The following PLXNB2 variants were observed in gnomAD, a reference collection of about 807,000 sequenced individuals.
PLXNB2 encodes the protein plexin B2, also known as plexin-B2.
PLXNB2 carries 85 observed loss-of-function variants against 202.6 expected under a neutral mutation model. The ratio of observed to expected loss-of-function variants is 0.42; its 90% CI spans 0.35 to 0.50. The LOEUF (loss-of-function observed/expected upper bound fraction) is 0.50. Among genes scored for constraint, PLXNB2 ranks in the 20% least tolerant of loss-of-function variants. PLXNB2 has a pLI of 0.02. For synonymous variants in PLXNB2, 1,239 were observed against 1,137.6 expected (o/e 1.09, Z -1.79); for missense variants, 2,063 against 2,586.2 (o/e 0.80, Z 4.39).
intron 2 of PLXNB2, among the ~76,000 whole-genome samples, chr22:50,290,851 A>C (rs1429296099): frequency 6.6e-6 from 1 of 152,172 alleles, no homozygotes; most frequent in African/African-American, 2.4e-5. Context: ...ATCGCCTGCT[A>C]CAGGATCCCT....
intron 10 of PLXNB2, 37 bp from the exon 11 acceptor site, chr22:50,285,938 C>T: frequency 6.2e-7 from 1 of 1,602,656 alleles, no homozygotes; most frequent in Non-Finnish European, 8.5e-7. Flanking sequence ...TGCCTGGGCA[C>T]AGCGGAGCAG....
rs372500189 is a variant in PLXNB2 at position 50,286,313 on chromosome 22, C to T, written c.1763-26G>A. On this transcript the variant is annotated intron_variant, in intron 8 of 36. Transcript: ENST00000359337. The stretch of plus-strand genomic sequence containing the variant: ...CTGCAGACAGCAGAGGGGGAGGTGT[C>T]AAGGTGGCGGCCGCAGGGCCGAGGG... 114 of 1,563,268 alleles carry T rather than the reference C, an allele frequency of 7.3e-5. No individual in the cohort carries two copies. In the African/African-American group the frequency reaches 1.2e-3, roughly 16 times the overall value.
At chr22:50,292,120 G>A (rs540223484) in intron 2 of PLXNB2, among the ~76,000 whole-genome samples, 18 of 152,198 alleles carry the variant, frequency 1.2e-4, no homozygotes, top group African/African-American at 4.3e-4. Flanking sequence ...GGCGGATCAC[G>A]AGGTCAGGAG....
intron 25 of PLXNB2, 128 bp from the exon 26 acceptor site, chr22:50,280,199 G>T: frequency 2.8e-6 from 2 of 724,704 alleles, no homozygotes; most frequent in Non-Finnish European, 4.5e-6. Flanking sequence ...GGCCTGCAGC[G>T]AGGACTACCT....
chr22:50,303,029 GC>G (rs1041426964), intron 1 of PLXNB2, among the ~76,000 whole-genome samples: 20 of 151,592 alleles, frequency 1.3e-4, no homozygotes, highest in African/African-American at 4.6e-4. Context: ...TTACCCTCAA[GC>G]CCCCCGCCAT....
At chr22:50,295,938 C>A (rs1323724898) in intron 1 of PLXNB2, among the ~76,000 whole-genome samples, 1 of 152,034 alleles carries the variant, frequency 6.6e-6, no homozygotes, top group Admixed American at 6.6e-5. Context: ...CCCATCTCTA[C>A]TAAAAGTACA....
chr22:50,278,911 T>C lies in PLXNB2; in HGVS notation c.4490A>G (p.Gln1497Arg). The C allele has an allele frequency of 1.2e-6, 2 of 1,613,674 alleles. No individual in the cohort carries two copies. The highest frequency in any genetic ancestry group is 1.7e-6 in the Non-Finnish European group (2 of 1,179,870). Residue 1497 changes from glutamine to arginine, a missense_variant, in exon 28 of 37, where the codon CAG becomes CGG. Around this residue, in one of 2 missense-constraint regions of PLXNB2, gnomAD observed 760 missense variants for 1,109.4 expected, o/e 0.69. Coordinates refer to ENST00000359337, the MANE Select transcript of PLXNB2 (RefSeq NM_012401.4). Reference sequence around the variant, plus strand: ...GGAGCAGGGCTGCCCACGGTACACCTGGTCAATGATCTTCTCCTTGACCTG... The same window carrying C: ...GGAGCAGGGCTGCCCACGGTACACCCGGTCAATGATCTTCTCCTTGACCTG... ...ISQVKEKIID[Q>R]VYRGQPCSCW... is the part of the protein sequence containing the mutation.
rs764008250 is a variant in PLXNB2, at chr22:50,281,505, T to TG, written c.3523-7dup. The stretch of plus-strand genomic sequence containing the variant: ...TCGCGAGAGCCGAACTTCACCTGTG[T>TG]GGGGGGCCGGGTTCAGCGCGGTCCC... On this transcript the variant is annotated splice_region_variant and splice_polypyrimidine_tract_variant and intron_variant, in intron 21 of 36. Transcript: ENST00000359337. The TG allele has an allele frequency of 1.9e-6, 3 of 1,610,492 alleles. No individual in the cohort carries two copies. The highest frequency in any genetic ancestry group is 1.3e-5 in the African/African-American group (1 of 74,858).
chr22:50,289,516 C>G lies in PLXNB2; in HGVS notation c.1068+1G>C. On this transcript the variant is annotated splice_donor_variant, in intron 3 of 36. Transcript: ENST00000359337. LOFTEE classifies it high-confidence loss of function. The surrounding 1 kb of genome is among the most constrained non-coding windows in gnomAD (Gnocchi z 8.0). Reference sequence around the variant, plus strand: ...CTGCGAGAACACACTGAGGCCCATACCGGCGCGTGGCCGCCGCACTGGATA... The same window carrying G: ...CTGCGAGAACACACTGAGGCCCATAGCGGCGCGTGGCCGCCGCACTGGATA... 6.2e-7 allele frequency: 1 copy of G among 1,606,134 alleles called. No individual in the cohort carries two copies. The highest frequency in any genetic ancestry group is 8.5e-7 in the Non-Finnish European group (1 of 1,176,462).
At chr22:50,287,508 C>G (rs1456812660) in intron 7 of PLXNB2, among the ~76,000 whole-genome samples, 159 bp downstream of exon 7, 1 of 152,132 alleles carries the variant, frequency 6.6e-6, no homozygotes, top group Non-Finnish European at 1.5e-5. Context: ...TCCAGGGGAC[C>G]AATGGAGGGC....
In PLXNB2 at chr22:50,281,569, G is replaced by C; in HGVS notation, c.3519C>G (p.Phe1173Leu). Residue 1173 changes from phenylalanine (F) to leucine (L), a missense_variant, in exon 21 of 37, where the codon TTC becomes TTG. Transcript: ENST00000359337. Reference protein sequence around the residue: ...KRDTTHNLPEFIVKFGSREWV... With the variant: ...KRDTTHNLPELIVKFGSREWV... ...CCGCCAGTCCCCGCTCACGCACAATGAACTCGGGCAGGTTGTGTGTGGTGT... is the reference window on the plus strand; with the variant it reads ...CCGCCAGTCCCCGCTCACGCACAATCAACTCGGGCAGGTTGTGTGTGGTGT... 6.2e-7 allele frequency: 1 copy of C among 1,610,810 alleles called. No homozygotes were observed. The highest frequency in any genetic ancestry group is 8.5e-7 in the Non-Finnish European group (1 of 1,178,740).
At position 50,285,972 on chromosome 22, in the gene PLXNB2, G is replaced by C. The variant is rs149543177; in HGVS notation, c.1986+18C>G. On this transcript the variant is annotated intron_variant, in intron 10 of 36. Transcript: ENST00000359337. The stretch of plus-strand genomic sequence containing the variant: ...AGCCATGCCCTGAACAGTCCCCTGA[G>C]GCCCCGAGGCCCCTCACCATGTGGG... 1.4e-3 allele frequency: 2,197 copies of C among 1,609,228 alleles called. 37 individuals are homozygous for C. The African/African-American group carries it at 0.026, about 19-fold the overall frequency.
At position 50,284,950 on chromosome 22, in the gene PLXNB2, C is replaced by T; in HGVS notation, c.2089-285G>A. 1 of 553,046 alleles carries T rather than the reference C, an allele frequency of 1.8e-6. No homozygotes were observed. Among genetic ancestry groups the T allele is most frequent in the South Asian group, 1.6e-5 (1 of 62,576 alleles). 34.3% of individuals were successfully genotyped at this position (553,046 alleles called of 1,614,324 possible). On this transcript the variant is annotated intron_variant, in intron 11 of 36. Coordinates refer to ENST00000359337, the MANE Select transcript of PLXNB2 (RefSeq NM_012401.4). The surrounding 1 kb of genome is among the most constrained non-coding windows in gnomAD (Gnocchi z 8.0). ...GCCCGGCCCACCTGACATCGTGGCC[C>T]CCACAGCTCCCTCCTCAGGAGGTGG...
In PLXNB2 at chr22:50,275,560, C is replaced by T. The variant is rs991432995; in HGVS notation, c.*144G>A. On this transcript the variant is annotated 3_prime_UTR_variant, in exon 37 of 37. Coordinates refer to ENST00000359337, the MANE Select transcript of PLXNB2 (RefSeq NM_012401.4). ...AAGATGCTACAGTCTAGACGCTGGG[C>T]GGGTTCCGGCTGCACCCACTCCGGC... The T allele has an allele frequency of 6.5e-5, 42 of 645,768 alleles. No homozygotes were observed. The highest frequency in any genetic ancestry group is 5.8e-4 in the African/African-American group (32 of 55,142). 40.0% of individuals were successfully genotyped at this position (645,768 alleles called of 1,614,324 possible).
rs2066629837 is a variant in PLXNB2 at position 50,288,470 on chromosome 22, A to G, written c.1380+273T>C. ...GACACCAACCCAGGTCCCTTCCATC[A>G]GGACAGGGCAGAGGCGGGGCCAGAG... is the stretch of plus-strand genomic sequence containing the variant. On this transcript the variant is annotated intron_variant, in intron 5 of 36. Coordinates refer to ENST00000359337, the MANE Select transcript of PLXNB2 (RefSeq NM_012401.4). The surrounding 1 kb of genome is among the most constrained non-coding windows in gnomAD (Gnocchi z 5.0). 1.3e-5 allele frequency among the ~76,000 whole-genome samples: 2 copies of G among 152,132 alleles called. No homozygotes were observed. The highest frequency in any genetic ancestry group is 6.5e-5 in the Admixed American group (1 of 15,284).
intron 23 of PLXNB2, 46 bp from the exon 24 acceptor site, chr22:50,281,019 G>A: frequency 1.2e-6 from 2 of 1,600,800 alleles, no homozygotes; most frequent in Non-Finnish European, 1.7e-6. Flanking sequence ...GTGGGGCCCT[G>A]ACCCCCACGC....
At chr22:50,283,282 A>G (rs2066154521) in intron 16 of PLXNB2, 55 bp downstream of exon 16, 25 of 1,603,860 alleles carry the variant, frequency 1.6e-5, no homozygotes, top group Non-Finnish European at 1.9e-5. Flanking sequence ...CGGCGGGCAG[A>G]GCCCCTCCTC....
At chr22:50,278,335 A>C in intron 30 of PLXNB2, 64 bp from the exon 31 acceptor site, 1 of 1,589,184 alleles carries the variant, frequency 6.3e-7, no homozygotes, top group Non-Finnish European at 8.6e-7. Flanking sequence ...CACAGGGAGC[A>C]GTGGTGGCAG....
Position 50,290,684 on chromosome 22 carries a change from A to T in PLXNB2, c.-13-87T>A. 2.2e-6 allele frequency: 3 copies of T among 1,370,610 alleles called. No homozygotes were observed. In the South Asian group the frequency reaches 4.4e-5, roughly 20 times the overall value. 84.9% of individuals were successfully genotyped at this position (1,370,610 alleles called of 1,614,324 possible). On this transcript the variant is annotated intron_variant, in intron 2 of 36. Coordinates refer to ENST00000359337, the MANE Select transcript of PLXNB2 (RefSeq NM_012401.4). ...TCCAGTCCCTGCCCCAAACGTCAGAACATGGGAGAGAGGGTCACGCCACTC... is the reference window on the plus strand; with the variant it reads ...TCCAGTCCCTGCCCCAAACGTCAGATCATGGGAGAGAGGGTCACGCCACTC...
Sources: allele counts gnomAD v4.1 joint callset (sites outside exome capture counted in the v4.1 genomes callset), GRCh38; gene constraint gnomAD v4.1.1; regional missense constraint gnomAD v4.1.1; non-coding constraint Gnocchi (gnomAD v3.1); transcripts MANE v1.5; gene names NCBI Gene and HGNC (gene_info 2026-07-23, HGNC 2026-07-21).